Variants in ZCCHC14 observed in about 807,000 individuals in gnomAD.
ZCCHC14 encodes zinc finger CCHC-type containing 14.
ZCCHC14 carries 16 observed loss-of-function variants against 85.0 expected under a neutral mutation model. The observed-to-expected ratio is 0.19, with a 90% CI of 0.13 to 0.29. ZCCHC14 has a LOEUF of 0.29. Ranked by LOEUF, ZCCHC14 falls within the 10% of genes least tolerant of loss-of-function variation. The probability of loss-of-function intolerance (pLI) is 1.00; values close to 1 mark genes in which losing one functional copy is unlikely to be tolerated. For missense variants in ZCCHC14, 1,303 were observed against 1,443.5 expected (o/e 0.90, Z 1.58); for synonymous variants, 775 against 630.7 (o/e 1.23, Z -3.43).
Position 87,460,093 on chromosome 16 carries a change from A to T in ZCCHC14, c.609T>A (p.Ser203Arg). The T allele has an allele frequency of 6.2e-7, 1 of 1,614,136 alleles. No homozygotes were observed. Among genetic ancestry groups the T allele is most frequent in the Non-Finnish European group, 8.5e-7 (1 of 1,180,010 alleles). ...PRTEAPVSSV[S>R]NSLENALHTS... ...TGTGCAGGGCATTCTCCAAACTATTACTGACACTGCTGACAGGGGCCTCAG... is the reference window on the plus strand; with the variant it reads ...TGTGCAGGGCATTCTCCAAACTATTTCTGACACTGCTGACAGGGGCCTCAG... The change falls in exon 2 of 13, where the codon AGT (serine) becomes AGA (arginine). Residue 203 changes from serine (S) to arginine (R), a missense_variant. Physicochemically the swap from Ser to Arg is moderately radical, Grantham distance 110. Around this residue, in one of 7 missense-constraint regions of ZCCHC14, gnomAD observed 389 missense variants for 397.8 expected, o/e 0.98. Coordinates refer to ENST00000671377, the MANE Select transcript of ZCCHC14 (RefSeq NM_015144.3).
Position 87,409,961 on chromosome 16 carries a change from G to T in ZCCHC14, c.*319C>A. 1 of 221,144 alleles carries T rather than the reference G, an allele frequency of 4.5e-6. No individual in the cohort carries two copies. The highest frequency in any genetic ancestry group is 8.9e-6 in the Non-Finnish European group (1 of 112,756). 13.7% of individuals were successfully genotyped at this position (221,144 alleles called of 1,614,324 possible). A position where few individuals can be genotyped will look rare whatever the true frequency, so the allele number is the denominator to read the frequency against. On this transcript the variant is annotated 3_prime_UTR_variant, in exon 13 of 13. Transcript: ENST00000671377. ...TGTAGCTGCCCTGGAATTGACGTGT[G>T]AGCCTAGGAGGGCCAGTGATGGCAA...
At chr16:87,422,218 A>G (rs1567513972) in intron 4 of ZCCHC14, among the ~76,000 whole-genome samples, 1 of 152,218 alleles carries the variant, frequency 6.6e-6, no homozygotes, top group Non-Finnish European at 1.5e-5. Flanking sequence ...ACTTGAGTAC[A>G]TGGACAGGCT....
intron 1 of ZCCHC14, chr16:87,472,563 G>GTCAGCACTTAGGAGCAACAGGTGA (rs1911819135): frequency 6.6e-6 from 1 of 152,442 alleles, no homozygotes; most frequent in South Asian, 2.1e-4. Flanking sequence ...AAGGTACAAA[G>GTCAGCACTTAGGAGCAACAGGTGA]TCAGCACTTA....
In ZCCHC14 at chr16:87,407,679, T is replaced by C. The variant is rs1015269017; in HGVS notation, c.*2601A>G. On this transcript the variant is annotated 3_prime_UTR_variant, in exon 13 of 13. Transcript: ENST00000671377. Reference sequence around the variant, plus strand: ...GCACATGGCCAGTGCCACACCTACCTGGTTGCCACAGCATTCTGAAACAGA... The same window carrying C: ...GCACATGGCCAGTGCCACACCTACCCGGTTGCCACAGCATTCTGAAACAGA... 2 of 152,238 alleles carry C rather than the reference T, an allele frequency of 1.3e-5. No homozygotes were observed. The highest frequency in any genetic ancestry group is 4.8e-5 in the African/African-American group (2 of 41,466). The allele number at this position is 152,238 out of a possible 1,614,324, so 9.4% of individuals were successfully genotyped here.
At position 87,413,115 on chromosome 16, in the gene ZCCHC14, TGGA is replaced by T. The variant is rs1397394777; in HGVS notation, c.1681_1683del (p.Ser562del). The T allele has an allele frequency of 1.2e-6, 2 of 1,613,718 alleles. No homozygotes were observed. Among genetic ancestry groups the T allele is most frequent in the Non-Finnish European group, 8.5e-7 (1 of 1,179,910 alleles). On this transcript the variant is annotated inframe_deletion, in exon 11 of 13. Coordinates refer to ENST00000671377, the MANE Select transcript of ZCCHC14 (RefSeq NM_015144.3). ...TCCCGGGCCTGTACCCCCATGGGGC[TGGA>T]GGAGGAGCTGGAGTACTCCGAGGAA...
chr16:87,448,467 G>A (rs574932162), intron 2 of ZCCHC14, among the ~76,000 whole-genome samples: 12 of 152,280 alleles, frequency 7.9e-5, no homozygotes, highest in African/African-American at 2.9e-4. Context: ...AGACTCACGA[G>A]GCCGTTTTCT....
At chr16:87,425,360 T>C (rs928245158) in intron 3 of ZCCHC14, among the ~76,000 whole-genome samples, 1 of 152,086 alleles carries the variant, frequency 6.6e-6, no homozygotes, top group African/African-American at 2.4e-5. Flanking sequence ...GCGGATCACC[T>C]GAGGTCAGGA....
Position 87,420,476 on chromosome 16 carries a change from G to T in ZCCHC14, c.950+131C>A. ...TCCAGAACTAATGGAAATCCCTAGAGGCCAAGTAGAGACCCAGGTCCAGGT... is the reference window on the plus strand; with the variant it reads ...TCCAGAACTAATGGAAATCCCTAGATGCCAAGTAGAGACCCAGGTCCAGGT... On this transcript the variant is annotated intron_variant, in intron 5 of 12. Transcript: ENST00000671377. The surrounding 1 kb of genome is among the most constrained non-coding windows in gnomAD (Gnocchi z 5.0). 1 of 649,880 alleles carries T rather than the reference G, an allele frequency of 1.5e-6. No individual in the cohort carries two copies. The highest frequency in any genetic ancestry group is 2.6e-6 in the Non-Finnish European group (1 of 386,154). The allele number at this position is 649,880 out of a possible 1,614,324, so 40.3% of individuals were successfully genotyped here. A position where few individuals can be genotyped will look rare whatever the true frequency, so the allele number is the denominator to read the frequency against.
At chr16:87,448,743 G>A (rs1910554723) in intron 2 of ZCCHC14, among the ~76,000 whole-genome samples, 1 of 152,160 alleles carries the variant, frequency 6.6e-6, no homozygotes, top group African/African-American at 2.4e-5. Flanking sequence ...CCCACAAAAT[G>A]TTAATTGGAG....
rs1912777466 is a variant in ZCCHC14, at chr16:87,491,691, G to C, written c.548C>G (p.Pro183Arg). ...KGAPGPGGAL[P>R]TCPACHKITP... ...CACCTTGTGGCAGGCTGGGCAAGTG[G>C]GCAGCGCGCCGCCCGGCCCGGGCGC... Residue 183 changes from proline to arginine, a missense_variant, in exon 1 of 13, where the codon CCC (proline) becomes CGC (arginine). This residue lies in a region of ZCCHC14 where 389 missense variants were observed against 397.8 expected (regional missense o/e 0.98). Coordinates refer to ENST00000671377, the MANE Select transcript of ZCCHC14 (RefSeq NM_015144.3). This position sits in a 1 kb window ranked among gnomAD's most constrained non-coding sequence, Gnocchi z 5.9. The C allele has an allele frequency of 3.5e-6, 5 of 1,427,328 alleles. No homozygotes were observed. The highest frequency in any genetic ancestry group is 1.5e-5 in the African/African-American group (1 of 66,070). 88.4% of individuals were successfully genotyped at this position (1,427,328 alleles called of 1,614,324 possible).
At position 87,412,521 on chromosome 16, in the gene ZCCHC14, C is replaced by A. The variant is rs200608342; in HGVS notation, c.2200G>T (p.Val734Leu). The A allele has an allele frequency of 1.9e-6, 3 of 1,613,962 alleles. No individual in the cohort carries two copies. The highest frequency in any genetic ancestry group is 2.7e-5 in the African/African-American group (2 of 74,930). ...TVSFGPRTKV[V>L]HASTLDRVLK... ...ACCCTGTCCAGCGTGGATGCATGCA[C>A]GACTTTGGTCCGGGGACCAAAGGAG... Residue 734 changes from valine (V) to leucine (L), a missense_variant, in exon 12 of 13, where the codon GTG (valine) becomes TTG (leucine). This residue lies in a region of ZCCHC14 where 797 missense variants were observed against 730.8 expected (regional missense o/e 1.09). Transcript: ENST00000671377.
At chr16:87,484,209 C>T (rs544325638) in intron 1 of ZCCHC14, among the ~76,000 whole-genome samples, 1 of 152,330 alleles carries the variant, frequency 6.6e-6, no homozygotes, top group Non-Finnish European at 1.5e-5. Flanking sequence ...AAGTTATCAA[C>T]ACCCAGGGAA....
chr16:87,479,732 A>C (rs576642812), intron 1 of ZCCHC14, among the ~76,000 whole-genome samples: 40 of 152,318 alleles, frequency 2.6e-4, no homozygotes, highest in Non-Finnish European at 2.8e-4. Context: ...TACTCCATGG[A>C]AATGAACTCA....
rs1046661142 is a variant in ZCCHC14, at chr16:87,410,414, C to T, written c.3206-79G>A. On this transcript the variant is annotated intron_variant, in intron 12 of 12. Coordinates refer to ENST00000671377, the MANE Select transcript of ZCCHC14 (RefSeq NM_015144.3). ...AACCACCAATCTGTCCAGTCATGTC[C>T]AGAGCCACTGGGCAAGATTCTGGTG... 5.9e-5 allele frequency: 39 copies of T among 656,074 alleles called. No individual in the cohort carries two copies. The Middle Eastern group carries it at 7.5e-4, about 13-fold the overall frequency. The allele number at this position is 656,074 out of a possible 1,614,324, so 40.6% of individuals were successfully genotyped here.
Position 87,449,956 on chromosome 16 carries a change from G to A in ZCCHC14, c.694+10052C>T, listed in dbSNP as rs529519837. Among the ~76,000 whole-genome samples the A allele has an allele frequency of 9.5e-4, 145 of 152,312 alleles. 1 individual carries two copies. The highest frequency in any genetic ancestry group is 4.1e-4 in the South Asian group (2 of 4,826). ...GTTACTGGGGAGGCTGAGGCAGGAG[G>A]ATTGCTTAAGCCCCAGAGGTCGAGG... On this transcript the variant is annotated intron_variant, in intron 2 of 12. Transcript: ENST00000671377.
At chr16:87,415,620 G>A (rs1185080378) in intron 8 of ZCCHC14, among the ~76,000 whole-genome samples, 1 of 152,188 alleles carries the variant, frequency 6.6e-6, no homozygotes, top group African/African-American at 2.4e-5. Context: ...TTCTGTGCAG[G>A]CTGTGTGGAT....
In ZCCHC14 at chr16:87,492,554, C is replaced by A. The variant is rs1912821983; in HGVS notation, c.-316G>T. ...CACGGGGAGGCGCCTTCCCCGCGCC[C>A]GTGCCCAGCGGCGGCCGGTGCGCGG... On this transcript the variant is annotated 5_prime_UTR_variant, in exon 1 of 13. Coordinates refer to ENST00000671377, the MANE Select transcript of ZCCHC14 (RefSeq NM_015144.3). This position sits in a 1 kb window ranked among gnomAD's most constrained non-coding sequence, Gnocchi z 6.7. 1.4e-5 allele frequency: 2 copies of A among 146,078 alleles called. No homozygotes were observed. The highest frequency in any genetic ancestry group is 1.9e-4 in the South Asian group (1 of 5,346). 9.0% of individuals were successfully genotyped at this position (146,078 alleles called of 1,614,324 possible).
In ZCCHC14 at chr16:87,492,722, G is replaced by C. The variant is rs930957664; in HGVS notation, c.-484C>G. On this transcript the variant is annotated 5_prime_UTR_variant, in exon 1 of 13. Transcript: ENST00000671377. This position sits in a 1 kb window ranked among gnomAD's most constrained non-coding sequence, Gnocchi z 6.7. ...CGGCCATGCCGTCGCCGCCGCCCGCGCCTCCGCCCAGGCCGGCCGTTACCC... is the reference window on the plus strand; with the variant it reads ...CGGCCATGCCGTCGCCGCCGCCCGCCCCTCCGCCCAGGCCGGCCGTTACCC... 1.4e-5 allele frequency: 2 copies of C among 145,356 alleles called. No homozygotes were observed. The highest frequency in any genetic ancestry group is 1.4e-4 in the Admixed American group (2 of 14,636). The allele number at this position is 145,356 out of a possible 1,614,324, so 9.0% of individuals were successfully genotyped here. A position where few individuals can be genotyped will look rare whatever the true frequency, so the allele number is the denominator to read the frequency against.
chr16:87,455,271 A>G (rs1349566313), intron 2 of ZCCHC14, among the ~76,000 whole-genome samples: 1 of 152,022 alleles, frequency 6.6e-6, no homozygotes, highest in Admixed American at 6.5e-5. Flanking sequence ...CTGGGCAACA[A>G]GAGTGAAACT....
Sources: gnomAD v4.1 joint callset for allele counts (sites outside exome capture counted in the v4.1 genomes callset) on GRCh38, gnomAD v4.1.1 for gene constraint, gnomAD v4.1.1 regional missense constraint, Gnocchi (gnomAD v3.1) non-coding constraint, MANE v1.5 for transcripts, NCBI Gene and HGNC (gene_info 2026-07-23, HGNC 2026-07-21) for gene names.